Variants in SEZ6L observed in about 807,000 individuals in gnomAD.
SEZ6L encodes the protein seizure related 6 homolog like.
SEZ6L carries 37 observed loss-of-function variants against 106.2 expected under a neutral mutation model. The ratio of observed to expected loss-of-function variants is 0.35; its 90% CI spans 0.27 to 0.46. The LOEUF (loss-of-function observed/expected upper bound fraction) is 0.46. Among genes scored for constraint, SEZ6L ranks in the 20% least tolerant of loss-of-function variants. The pLI is 1.00. For synonymous variants in SEZ6L, 541 were observed against 570.4 expected, an observed-to-expected ratio of 0.95 and a Z score of 0.73; for missense variants, 1,172 against 1,332.8, an observed-to-expected ratio of 0.88 and a Z score of 1.88.
At chr22:26,327,951 C>T (rs1237411710) in intron 9 of SEZ6L, among the ~76,000 whole-genome samples, 6 of 152,238 alleles carry the variant, frequency 3.9e-5, no homozygotes, top group African/African-American at 1.4e-4. Context: ...CATCTGGGGT[C>T]ACCCCTAAGT....
intron 12 of SEZ6L, among the ~76,000 whole-genome samples, chr22:26,352,433 A>G (rs905265977): frequency 1.3e-5 from 2 of 151,958 alleles, no homozygotes; most frequent in African/African-American, 4.8e-5. Context: ...TCTGGGGGGA[A>G]AAAAAGAAAA....
chr22:26,275,207 A>T (rs2080504223), intron 1 of SEZ6L, among the ~76,000 whole-genome samples: 1 of 152,136 alleles, frequency 6.6e-6, no homozygotes, highest in African/African-American at 2.4e-5. Flanking sequence ...TTTATTTTGA[A>T]TTTACAACGT....
At chr22:26,247,498 C>T (rs946004182) in intron 1 of SEZ6L, among the ~76,000 whole-genome samples, 2 of 152,116 alleles carry the variant, frequency 1.3e-5, no homozygotes, top group African/African-American at 4.8e-5. Flanking sequence ...CAGAGAGACA[C>T]ACTCAGAGAA....
At chr22:26,371,422 AT>A (rs200976103) in intron 13 of SEZ6L, among the ~76,000 whole-genome samples, 45 of 151,314 alleles carry the variant, frequency 3.0e-4, no homozygotes, top group African/African-American at 8.5e-4. Flanking sequence ...TATGTTTTCA[AT>A]TTTTTTTTAA....
chr22:26,180,947 G>C (rs113127750), intron 1 of SEZ6L, among the ~76,000 whole-genome samples: 3 of 152,202 alleles, frequency 2.0e-5, no homozygotes, highest in Non-Finnish European at 4.4e-5. Flanking sequence ...ACTCAGCACA[G>C]GATTAGGACT....
At chr22:26,250,766 A>G (rs1240107661) in intron 1 of SEZ6L, among the ~76,000 whole-genome samples, 1 of 152,206 alleles carries the variant, frequency 6.6e-6, no homozygotes, top group Non-Finnish European at 1.5e-5. Context: ...TCATTTTCAC[A>G]ATATTAATTA....
chr22:26,208,954 T>C (rs1240899565), intron 1 of SEZ6L, among the ~76,000 whole-genome samples: 2 of 151,796 alleles, frequency 1.3e-5, no homozygotes, highest in African/African-American at 4.8e-5. Flanking sequence ...CTTCTTAATC[T>C]TTTTTCTTTA....
intron 1 of SEZ6L, among the ~76,000 whole-genome samples, chr22:26,232,998 C>T (rs2078848076): frequency 6.6e-6 from 1 of 152,240 alleles, no homozygotes; most frequent in South Asian, 2.1e-4. Flanking sequence ...CACACACACC[C>T]TTGTGTACTC....
At chr22:26,299,709 G>T (rs2081395102) in intron 5 of SEZ6L, among the ~76,000 whole-genome samples, 1 of 152,110 alleles carries the variant, frequency 6.6e-6, no homozygotes, top group South Asian at 2.1e-4. Context: ...CCCACATTTT[G>T]TTGACCTGTT....
At chr22:26,341,324 C>T (rs369918258) in intron 10 of SEZ6L, among the ~76,000 whole-genome samples, 7 of 152,158 alleles carry the variant, frequency 4.6e-5, no homozygotes, top group African/African-American at 1.4e-4. Flanking sequence ...CTCCTATGAC[C>T]CCTCGTGTGC....
intron 1 of SEZ6L, among the ~76,000 whole-genome samples, chr22:26,273,358 G>A (rs2080433473): frequency 1.3e-5 from 2 of 152,246 alleles, no homozygotes; most frequent in African/African-American, 2.4e-5. Context: ...GCTGACAATG[G>A]CCACTCTGAG....
At chr22:26,374,599 A>C (rs1024254253) in intron 14 of SEZ6L, among the ~76,000 whole-genome samples, 20 of 152,186 alleles carry the variant, frequency 1.3e-4, no homozygotes, top group African/African-American at 4.8e-4. Flanking sequence ...TATGAGAGCC[A>C]TTGTAACGTT....
At chr22:26,322,695 C>A (rs1176483300) in intron 9 of SEZ6L, among the ~76,000 whole-genome samples, 1 of 152,170 alleles carries the variant, frequency 6.6e-6, no homozygotes, top group Non-Finnish European at 1.5e-5. Context: ...TCAATTACAA[C>A]CATCTGCCCC....
intron 5 of SEZ6L, among the ~76,000 whole-genome samples, chr22:26,302,421 A>C (rs1251345720): frequency 6.6e-6 from 1 of 152,210 alleles, no homozygotes; most frequent in Non-Finnish European, 1.5e-5. Flanking sequence ...TAGAATTCTC[A>C]AAAGTCCTGA....
intron 1 of SEZ6L, among the ~76,000 whole-genome samples, chr22:26,223,308 G>T (rs963247333): frequency 1.6e-4 from 24 of 152,230 alleles, no homozygotes; most frequent in African/African-American, 5.5e-4. Flanking sequence ...GTCCAGGTAG[G>T]TCTCATTCCA....
At chr22:26,208,512 C>A (rs920430293) in intron 1 of SEZ6L, among the ~76,000 whole-genome samples, 8 of 152,030 alleles carry the variant, frequency 5.3e-5, no homozygotes, top group African/African-American at 1.9e-4. Context: ...GCTATTAGTT[C>A]TTGGCTTCTG....
chr22:26,232,037 C>T (rs572017531), intron 1 of SEZ6L, among the ~76,000 whole-genome samples: 1 of 152,286 alleles, frequency 6.6e-6, no homozygotes, highest in Admixed American at 6.5e-5. Context: ...CCACCACCTA[C>T]TTGGTCCGTC....
At chr22:26,180,072 G>A (rs1939288207) in intron 1 of SEZ6L, among the ~76,000 whole-genome samples, 1 of 152,152 alleles carries the variant, frequency 6.6e-6, no homozygotes, top group African/African-American at 2.4e-5. Context: ...TTTGTACTGG[G>A]CAACTGGGCA....
chr22:26,332,147 GTTTTTTT>G (rs752520660), intron 9 of SEZ6L, among the ~76,000 whole-genome samples: 3 of 114,108 alleles, frequency 2.6e-5, no homozygotes, highest in Admixed American at 1.9e-4. Flanking sequence ...GATTTTCAAT[GTTTTTTT>G]TTTTTTTTTT....
Sources: gnomAD v4.1 joint callset for allele counts (sites outside exome capture counted in the v4.1 genomes callset) on GRCh38, gnomAD v4.1.1 for gene constraint, MANE v1.5 for transcripts, NCBI Gene and HGNC (gene_info 2026-07-23, HGNC 2026-07-21) for gene names.